DACH2: variants seen among roughly 807,000 people sequenced by gnomAD.
The protein encoded by DACH2 is dachshund family transcription factor 2.
DACH2 carries 17 observed loss-of-function variants against 35.8 expected under a neutral mutation model. The ratio of observed to expected loss-of-function variants is 0.48; its 90% CI spans 0.33 to 0.71. The LOEUF (loss-of-function observed/expected upper bound fraction) is 0.71, where lower values mean the gene tolerates loss of function less well. Among genes scored for constraint, DACH2 ranks in the 30% least tolerant of loss-of-function variants. The pLI, the probability that DACH2 is intolerant of heterozygous loss-of-function variation, is 0.02. For synonymous variants in DACH2, 195 were observed against 177.3 expected (o/e 1.10, Z -0.79); for missense variants, 469 against 472.7 (o/e 0.99, Z 0.07).
chrX:86,467,358 A>G (rs1264904854), intron 2 of DACH2, among the ~76,000 whole-genome samples: 2 of 111,372 alleles, frequency 1.8e-5, no homozygotes, highest in Non-Finnish European at 3.8e-5. Context: ...TTCATTTCCC[A>G]ACAAGTTTCT....
intron 2 of DACH2, among the ~76,000 whole-genome samples, chrX:86,496,227 C>A (rs1215107943): frequency 1.8e-5 from 2 of 111,573 alleles, no homozygotes; most frequent in African/African-American, 3.3e-5. Flanking sequence ...TAAACTAATT[C>A]TTTAATACAT....
chrX:86,492,598 C>G (rs1430232340), intron 2 of DACH2, among the ~76,000 whole-genome samples: 1 of 111,367 alleles, frequency 9.0e-6, no homozygotes, highest in Non-Finnish European at 1.9e-5. Context: ...AAACCTTGCT[C>G]TTTCCTCCCT....
chrX:86,689,787 A>C (rs1417712710), intron 4 of DACH2, among the ~76,000 whole-genome samples: 2 of 112,007 alleles, frequency 1.8e-5, no homozygotes, highest in Non-Finnish European at 3.8e-5. Context: ...TTCACAGTTA[A>C]GGCCATAGTT....
intron 2 of DACH2, among the ~76,000 whole-genome samples, chrX:86,388,802 A>G (rs1244518890): frequency 1.8e-5 from 2 of 111,687 alleles, no homozygotes; most frequent in Non-Finnish European, 3.8e-5. Context: ...TTAGTTAAAA[A>G]AACTCTGTAT....
intron 7 of DACH2, among the ~76,000 whole-genome samples, chrX:86,782,226 T>C (rs2042095615): frequency 9.0e-6 from 1 of 111,473 alleles, no homozygotes; most frequent in African/African-American, 3.3e-5. Context: ...TGTTCATGGA[T>C]TGAAAGAATC....
intron 3 of DACH2, among the ~76,000 whole-genome samples, chrX:86,538,515 G>A (rs2038834925): frequency 9.0e-6 from 1 of 111,488 alleles, no homozygotes; most frequent in African/African-American, 3.3e-5. Flanking sequence ...TCACAGACTT[G>A]GTAATTTATG....
chrX:86,387,621 A>T (rs377233472), intron 2 of DACH2, among the ~76,000 whole-genome samples: 22 of 112,083 alleles, frequency 2.0e-4, no homozygotes, highest in African/African-American at 6.5e-4. Flanking sequence ...ACCAAAACTT[A>T]TAAGAATTCT....
chrX:86,542,344 C>T (rs951268602), intron 3 of DACH2, among the ~76,000 whole-genome samples: 1 of 111,281 alleles, frequency 9.0e-6, no homozygotes, highest in Non-Finnish European at 1.9e-5. Flanking sequence ...GGATTGGTGC[C>T]CTTCCCATGG....
chrX:86,570,245 C>A (rs1302704414), intron 3 of DACH2, among the ~76,000 whole-genome samples: 1 of 111,031 alleles, frequency 9.0e-6, no homozygotes, highest in Non-Finnish European at 1.9e-5. Flanking sequence ...GGGTATATAC[C>A]CAAAGGAATA....
At chrX:86,279,064 TC>T (rs1430047090) in intron 1 of DACH2, among the ~76,000 whole-genome samples, 1 of 111,678 alleles carries the variant, frequency 9.0e-6, no homozygotes, top group African/African-American at 3.3e-5. Flanking sequence ...TAGATAAAAC[TC>T]CCATCTCCCT....
chrX:86,569,653 G>A (rs2039340139), intron 3 of DACH2, among the ~76,000 whole-genome samples: 1 of 111,028 alleles, frequency 9.0e-6, no homozygotes, highest in Non-Finnish European at 1.9e-5. Flanking sequence ...GAAAATCTAG[G>A]CAACACCCTT....
At chrX:86,411,704 A>G (rs922016312) in intron 2 of DACH2, among the ~76,000 whole-genome samples, 2 of 111,989 alleles carry the variant, frequency 1.8e-5, no homozygotes, top group African/African-American at 6.5e-5. Context: ...TACATGCACA[A>G]ACATGTTTTT....
At chrX:86,649,085 C>T (rs953022061) in intron 3 of DACH2, among the ~76,000 whole-genome samples, 1 of 110,617 alleles carries the variant, frequency 9.0e-6, no homozygotes, top group African/African-American at 3.3e-5. Context: ...GACTCAGTTT[C>T]CTCATCTGCA....
intron 1 of DACH2, among the ~76,000 whole-genome samples, chrX:86,240,351 TC>T (rs1166447340): frequency 2.7e-5 from 3 of 111,054 alleles, no homozygotes; most frequent in Non-Finnish European, 3.8e-5. Flanking sequence ...AAGTTGGCTA[TC>T]CTCAAACTCA....
At chrX:86,827,031 A>T (rs1483602366) in intron 11 of DACH2, among the ~76,000 whole-genome samples, 3 of 112,290 alleles carry the variant, frequency 2.7e-5, no homozygotes, top group Non-Finnish European at 5.6e-5. Flanking sequence ...ACTAGTTCTC[A>T]TTGCAGTCCC....
chrX:86,490,310 C>T (rs2038077073), intron 2 of DACH2, among the ~76,000 whole-genome samples: 1 of 111,506 alleles, frequency 9.0e-6, no homozygotes, highest in Non-Finnish European at 1.9e-5. Context: ...TTGCATGTCT[C>T]ATTGTGAAAA....
chrX:86,289,855 T>G (rs2034238929), intron 1 of DACH2, among the ~76,000 whole-genome samples: 1 of 109,474 alleles, frequency 9.1e-6, no homozygotes, highest in Non-Finnish European at 1.9e-5. Flanking sequence ...AAGTCTTTGT[T>G]ATTGTGAATA....
chrX:86,433,012 C>T (rs1239554460), intron 2 of DACH2, among the ~76,000 whole-genome samples: 1 of 111,717 alleles, frequency 9.0e-6, no homozygotes, highest in Non-Finnish European at 1.9e-5. Context: ...TCATCACTTG[C>T]TAGCTATGTG....
chrX:86,830,147 C>T (rs1453681311), intron 11 of DACH2: 2 of 111,748 alleles, frequency 1.8e-5, no homozygotes, highest in Non-Finnish European at 3.8e-5. Flanking sequence ...TTGACAGCTA[C>T]TACTAAGTGA....
Sources: allele counts gnomAD v4.1 joint callset (sites outside exome capture counted in the v4.1 genomes callset), GRCh38; gene constraint gnomAD v4.1.1; transcripts MANE v1.5; gene names NCBI Gene and HGNC (gene_info 2026-07-23, HGNC 2026-07-21).